Variants in PHC3 observed in about 807,000 individuals in gnomAD.
PHC3 encodes the protein polyhomeotic homolog 3, also known as polyhomeotic-like protein 3.
Under a neutral mutation model 107.4 loss-of-function variants are expected in PHC3, and 13 were observed. The observed-to-expected ratio is 0.12, with a 90% CI of 0.08 to 0.19. The LOEUF (loss-of-function observed/expected upper bound fraction) is 0.19. Ranked by LOEUF, PHC3 falls within the 10% of genes least tolerant of loss-of-function variation. The probability of loss-of-function intolerance (pLI) is 1.00; values close to 1 mark genes in which losing one functional copy is unlikely to be tolerated. For synonymous variants in PHC3, 456 were observed against 427.4 expected, an observed-to-expected ratio of 1.07 and a Z score of -0.83; for missense variants, 992 against 1,210.9, an observed-to-expected ratio of 0.82 and a Z score of 2.68.
At chr3:170,143,942 CCCTTATACCAAGAA>C (rs1182876228) in intron 6 of PHC3, among the ~76,000 whole-genome samples, 1 of 151,838 alleles carries the variant, frequency 6.6e-6, no homozygotes, top group African/African-American at 2.4e-5. Context: ...GAGTATGTAT[CCCTTATACCAAGAA>C]CCTTATACCA....
intron 5 of PHC3, chr3:170,148,885 T>A: frequency 2.0e-6 from 1 of 492,108 alleles, no homozygotes; most frequent in Admixed American, 3.2e-5. Flanking sequence ...TAATTACTAT[T>A]TGATACCAAG....
At chr3:170,110,902 T>C (rs1230283451) in intron 11 of PHC3, among the ~76,000 whole-genome samples, 1 of 152,152 alleles carries the variant, frequency 6.6e-6, no homozygotes, top group African/African-American at 2.4e-5. Context: ...ATACATATTG[T>C]AGATATAGGC....
Position 170,096,952 on chromosome 3 carries a change from A to G in PHC3, c.*278T>C, listed in dbSNP as rs1714710295. On this transcript the variant is annotated 3_prime_UTR_variant, in exon 15 of 15. Coordinates refer to ENST00000495893, the MANE Select transcript of PHC3 (RefSeq NM_024947.4). ...ATCACCTTTAAAAAAATTATCTAGT[A>G]TAACACATTTCTTTGAAAAATATCA... The G allele has an allele frequency of 3.9e-6, 1 of 256,186 alleles. No individual in the cohort carries two copies. Among genetic ancestry groups the G allele is most frequent in the Non-Finnish European group, 7.3e-6 (1 of 136,624 alleles). 15.9% of individuals were successfully genotyped at this position (256,186 alleles called of 1,614,324 possible).
At chr3:170,099,564 T>C (rs959414553) in intron 14 of PHC3, among the ~76,000 whole-genome samples, 1 of 152,274 alleles carries the variant, frequency 6.6e-6, no homozygotes, top group Admixed American at 6.5e-5. Flanking sequence ...ATACACCAAC[T>C]GACACAGCCA....
At chr3:170,107,212 T>C (rs961340549) in intron 11 of PHC3, among the ~76,000 whole-genome samples, 3 of 138,688 alleles carry the variant, frequency 2.2e-5, no homozygotes, top group East Asian at 2.5e-4. Context: ...ACAATCCATC[T>C]AAAATGTAAA....
At chr3:170,149,292 A>G (rs373193022) in intron 4 of PHC3, 48 bp from the exon 5 acceptor site, 232 of 1,539,146 alleles carry the variant, frequency 1.5e-4, no homozygotes, top group Non-Finnish European at 1.9e-4. Context: ...TCTTGCTTCC[A>G]TGTTACTGAA....
At chr3:170,165,089 T>C (rs1442481166) in intron 4 of PHC3, among the ~76,000 whole-genome samples, 2 of 152,092 alleles carry the variant, frequency 1.3e-5, no homozygotes, top group African/African-American at 2.4e-5. Context: ...TCCTATTCCT[T>C]CTAGATAGAG....
At chr3:170,110,632 G>A (rs922209017) in intron 11 of PHC3, among the ~76,000 whole-genome samples, 1 of 152,146 alleles carries the variant, frequency 6.6e-6, no homozygotes, top group Non-Finnish European at 1.5e-5. Context: ...AGATTCCCTA[G>A]ATTCCTAGTT....
At chr3:170,118,402 T>C (rs1719471442) in intron 9 of PHC3, among the ~76,000 whole-genome samples, 1 of 152,164 alleles carries the variant, frequency 6.6e-6, no homozygotes, top group South Asian at 2.1e-4. Flanking sequence ...TGTGCCACCA[T>C]GCCTGCCTGG....
chr3:170,129,318 G>C lies in PHC3; in HGVS notation c.1154C>G (p.Ser385Ter). The change falls in exon 8 of 15, where the codon TCA becomes TGA. Residue 385 changes from serine (S) to a stop codon, truncating the protein, a stop_gained. Coordinates refer to ENST00000495893, the MANE Select transcript of PHC3 (RefSeq NM_024947.4). LOFTEE classifies it high-confidence loss of function. ...AGGAGAGGGATGACTCTGAATCGGT[G>C]AACAATGCTGTGACTGGGCATTACT... ...APSNAQSQHC[S>*]PIQSHPSPLT... 1 of 1,613,956 alleles carries C rather than the reference G, an allele frequency of 6.2e-7. No homozygotes were observed. The highest frequency in any genetic ancestry group is 8.5e-7 in the Non-Finnish European group (1 of 1,179,884).
intron 8 of PHC3, among the ~76,000 whole-genome samples, chr3:170,127,204 A>C (rs1418931163): frequency 6.6e-6 from 1 of 152,086 alleles, no homozygotes; most frequent in African/African-American, 2.4e-5. Flanking sequence ...TTTTGAGACA[A>C]AGTCTCGCTC....
intron 8 of PHC3, chr3:170,125,963 T>A (rs1387562362): frequency 7.2e-6 from 7 of 978,436 alleles, no homozygotes; most frequent in African/African-American, 1.8e-5. Context: ...CAAACTTACC[T>A]CAATAAAGTC....
At chr3:170,162,153 C>T (rs1727997236) in intron 4 of PHC3, among the ~76,000 whole-genome samples, 1 of 152,134 alleles carries the variant, frequency 6.6e-6, no homozygotes, top group South Asian at 2.1e-4. Flanking sequence ...ACCCCAGTCC[C>T]TCATCTCTTC....
At chr3:170,140,578 C>CTT (rs1723886941) in intron 6 of PHC3, among the ~76,000 whole-genome samples, 1 of 95,148 alleles carries the variant, frequency 1.1e-5, no homozygotes, top group Non-Finnish European at 2.1e-5. Context: ...TTACTCATTT[C>CTT]TTTTTCTTTT....
intron 8 of PHC3, among the ~76,000 whole-genome samples, chr3:170,125,024 CATA>C (rs1328175243): frequency 1.3e-5 from 2 of 152,096 alleles, no homozygotes; most frequent in African/African-American, 4.8e-5. Context: ...TTATATCAAA[CATA>C]ATATTATACC....
At chr3:170,134,057 C>T (rs1722666714) in intron 7 of PHC3, among the ~76,000 whole-genome samples, 1 of 151,896 alleles carries the variant, frequency 6.6e-6, no homozygotes, top group African/African-American at 2.4e-5. Context: ...ACTAGCCAGA[C>T]GCTGGTTTGA....
chr3:170,138,820 A>G (rs1198152003), intron 6 of PHC3, among the ~76,000 whole-genome samples: 1 of 152,066 alleles, frequency 6.6e-6, no homozygotes, highest in Non-Finnish European at 1.5e-5. Flanking sequence ...CCTCCAGCCT[A>G]CAGTTCTCAT....
rs754861534 is a variant in PHC3, at chr3:170,129,363, T to C, written c.1109A>G (p.His370Arg). The change falls in exon 8 of 15, where the codon CAT becomes CGT. Residue 370 changes from histidine (H) to arginine (R), a missense_variant. By Grantham distance (29) the His-to-Arg change is conservative. Around this residue, in one of 6 missense-constraint regions of PHC3, gnomAD observed 543 missense variants for 590.8 expected, o/e 0.92. Coordinates refer to ENST00000495893, the MANE Select transcript of PHC3 (RefSeq NM_024947.4). Reference protein sequence around the residue: ...PSQHCIPLQNHGLPPAPSNAQ... With the variant: ...PSQHCIPLQNRGLPPAPSNAQ... ...ATTACTGGGAGCTGGAGGAAGGCCA[T>C]GGTTCTGGAGTGGTATACAGTGCTG... 3 of 1,613,918 alleles carry C rather than the reference T, an allele frequency of 1.9e-6. No homozygotes were observed. The highest frequency in any genetic ancestry group is 2.2e-5 in the East Asian group (1 of 44,874).
intron 3 of PHC3, 91 bp from the exon 4 acceptor site, chr3:170,171,541 T>C: frequency 1.2e-6 from 1 of 862,378 alleles, no homozygotes; most frequent in Non-Finnish European, 1.8e-6. Flanking sequence ...CAACAATAAA[T>C]GTCAAAAGGC....
Sources: gnomAD v4.1 joint callset for allele counts (sites outside exome capture counted in the v4.1 genomes callset) on GRCh38, gnomAD v4.1.1 for gene constraint, gnomAD v4.1.1 regional missense constraint, MANE v1.5 for transcripts, NCBI Gene and HGNC (gene_info 2026-07-23, HGNC 2026-07-21) for gene names.